MGMT: variants seen among roughly 807,000 people sequenced by gnomAD.
MGMT encodes O-6-methylguanine-DNA methyltransferase.
A neutral mutation model predicts 15.9 loss-of-function variants in MGMT; 14 were observed. That is an observed-to-expected ratio of 0.88 (90% CI 0.58 to 1.37). The LOEUF is 1.37. Ranked by LOEUF, MGMT falls within the 40% of genes most tolerant of loss-of-function variation. The probability of loss-of-function intolerance (pLI) is 0.00; values close to 1 mark genes in which losing one functional copy is unlikely to be tolerated. For synonymous variants in MGMT, 130 were observed against 118.2 expected (o/e 1.10, Z -0.65); for missense variants, 282 against 268.1 (o/e 1.05, Z -0.36).
At chr10:129,751,271 T>C (rs550680537) in intron 3 of MGMT, among the ~76,000 whole-genome samples, 47 of 152,138 alleles carry the variant, frequency 3.1e-4, no homozygotes, top group African/African-American at 1.0e-3. Flanking sequence ...TTTGTAGTTT[T>C]TGATGCATTG....
rs1338409628 is a variant in MGMT at position 129,556,677 on chromosome 10, G to A, written c.125+20300G>A. ...TAAACACCGACGGCAAAGTCAGGAC[G>A]GGCAGGAGCGTTCTAGGCAAATGAT... On this transcript the variant is annotated intron_variant, in intron 2 of 4. Coordinates refer to ENST00000651593, the MANE Select transcript of MGMT (RefSeq NM_002412.5). The surrounding 1 kb of genome is among the most constrained non-coding windows in gnomAD (Gnocchi z 4.3). 6.6e-6 allele frequency among the ~76,000 whole-genome samples: 1 copy of A among 152,168 alleles called. No homozygotes were observed. Among genetic ancestry groups the A allele is most frequent in the Admixed American group, 6.5e-5 (1 of 15,284 alleles).
intron 1 of MGMT, among the ~76,000 whole-genome samples, chr10:129,529,502 G>A (rs367682579): frequency 3.9e-5 from 6 of 152,226 alleles, no homozygotes; most frequent in South Asian, 4.2e-4. Flanking sequence ...TGGCTCACCC[G>A]CTGCTTACCT....
chr10:129,670,549 T>A (rs57752437), intron 2 of MGMT, among the ~76,000 whole-genome samples: 1,749 of 152,146 alleles, frequency 0.011, 28 homozygotes, highest in East Asian at 0.068. Flanking sequence ...ATAAAAAAAA[T>A]TTTTGAGAAA....
intron 2 of MGMT, among the ~76,000 whole-genome samples, chr10:129,571,944 T>A (rs1051416045): frequency 6.6e-6 from 1 of 152,226 alleles, no homozygotes; most frequent in Non-Finnish European, 1.5e-5. Flanking sequence ...ATTTTTCCAT[T>A]TGACAATTCA....
At chr10:129,495,158 T>G (rs1845507889) in intron 1 of MGMT, among the ~76,000 whole-genome samples, 2 of 152,244 alleles carry the variant, frequency 1.3e-5, no homozygotes, top group Admixed American at 1.3e-4. Context: ...CATTTATGAT[T>G]CTATTTTCTT....
At chr10:129,682,293 A>T (rs989299316) in intron 2 of MGMT, among the ~76,000 whole-genome samples, 21 of 152,150 alleles carry the variant, frequency 1.4e-4, no homozygotes, top group African/African-American at 4.8e-4. Context: ...TATCCATACA[A>T]TGGAATACTT....
chr10:129,630,323 A>C (rs1847196085), intron 2 of MGMT, among the ~76,000 whole-genome samples: 1 of 152,318 alleles, frequency 6.6e-6, no homozygotes, highest in East Asian at 1.9e-4. Flanking sequence ...TCTGAAGGGC[A>C]ATTTAAAAGT....
chr10:129,542,866 G>A (rs1337313439), intron 2 of MGMT, among the ~76,000 whole-genome samples: 1 of 152,176 alleles, frequency 6.6e-6, no homozygotes, highest in Non-Finnish European at 1.5e-5. Context: ...GTTGCCTCCC[G>A]TTTCTGCCTG....
At chr10:129,670,038 C>T (rs974974690) in intron 2 of MGMT, among the ~76,000 whole-genome samples, 20 of 152,070 alleles carry the variant, frequency 1.3e-4, no homozygotes, top group African/African-American at 4.6e-4. Context: ...CATTGAAGTG[C>T]TTTGTGATAC....
intron 2 of MGMT, among the ~76,000 whole-genome samples, chr10:129,614,360 T>C (rs1438224634): frequency 6.6e-6 from 1 of 152,148 alleles, no homozygotes; most frequent in Non-Finnish European, 1.5e-5. Context: ...AGACACGTGG[T>C]CTAGGGTTTG....
intron 1 of MGMT, among the ~76,000 whole-genome samples, chr10:129,534,119 A>C (rs1845961003): frequency 6.6e-6 from 1 of 152,202 alleles, no homozygotes; most frequent in Non-Finnish European, 1.5e-5. Context: ...AGACAAAGAC[A>C]GTTGAAGCAC....
intron 2 of MGMT, among the ~76,000 whole-genome samples, chr10:129,613,841 C>T (rs1354564572): frequency 1.3e-5 from 2 of 152,322 alleles, no homozygotes; most frequent in Middle Eastern, 3.4e-3. Context: ...CTCCCACCTG[C>T]AACCTGGATG....
intron 2 of MGMT, among the ~76,000 whole-genome samples, chr10:129,597,697 A>C (rs1564863925): frequency 6.6e-6 from 1 of 152,082 alleles, no homozygotes; most frequent in Non-Finnish European, 1.5e-5. Context: ...CATGATCAGG[A>C]CGCTGAGTGT....
intron 2 of MGMT, among the ~76,000 whole-genome samples, chr10:129,577,296 CT>C (rs1427813223): frequency 6.6e-6 from 1 of 151,348 alleles, no homozygotes; most frequent in Admixed American, 6.6e-5. Flanking sequence ...TACTACAAGG[CT>C]ACAGTAACCA....
Position 129,770,575 on chromosome 10 carries a change from C to T in MGMT, c.*3578C>T, listed in dbSNP as rs922134281. Among the ~76,000 whole-genome samples the T allele has an allele frequency of 2.0e-5, 3 of 152,204 alleles. No homozygotes were observed. The highest frequency in any genetic ancestry group is 2.9e-5 in the Non-Finnish European group (2 of 68,040). On this transcript the variant is annotated 3_prime_UTR_variant, in exon 5 of 5. Transcript: ENST00000651593. ...CAGCTCGGACTTCACCCCGTTGGAG[C>T]GGGCAGGATGTCACACTGAGCTAAT... is the stretch of plus-strand genomic sequence containing the variant.
intron 3 of MGMT, among the ~76,000 whole-genome samples, chr10:129,738,963 A>G (rs1366192332): frequency 6.6e-6 from 1 of 152,244 alleles, no homozygotes; most frequent in Admixed American, 6.5e-5. Context: ...ACCACCATCA[A>G]GTCGGCTTCA....
chr10:129,679,476 G>A (rs954401585), intron 2 of MGMT, among the ~76,000 whole-genome samples: 10 of 152,154 alleles, frequency 6.6e-5, no homozygotes, highest in African/African-American at 2.2e-4. Flanking sequence ...CCAGGGACCC[G>A]CAAAGCACAG....
intron 1 of MGMT, among the ~76,000 whole-genome samples, chr10:129,519,950 C>T (rs539541915): frequency 1.8e-4 from 27 of 152,108 alleles, no homozygotes; most frequent in African/African-American, 5.1e-4. Context: ...GGGAGGATTG[C>T]GTGAAGCCAG....
intron 2 of MGMT, among the ~76,000 whole-genome samples, chr10:129,631,319 G>A (rs905809687): frequency 6.6e-6 from 1 of 152,158 alleles, no homozygotes; most frequent in African/African-American, 2.4e-5. Flanking sequence ...ATAGTAATTT[G>A]TTGACCGAAT....
Sources: gnomAD v4.1 joint callset for allele counts (sites outside exome capture counted in the v4.1 genomes callset) on GRCh38, gnomAD v4.1.1 for gene constraint, Gnocchi (gnomAD v3.1) non-coding constraint, MANE v1.5 for transcripts, NCBI Gene and HGNC (gene_info 2026-07-23, HGNC 2026-07-21) for gene names.